RPS6KA5: variants seen among roughly 807,000 people sequenced by gnomAD.
RPS6KA5 encodes the protein ribosomal protein S6 kinase A5.
RPS6KA5 carries 27 observed loss-of-function variants against 85.5 expected under a neutral mutation model. The observed-to-expected ratio is 0.32, with a 90% CI of 0.23 to 0.44. The LOEUF is 0.44. RPS6KA5 is among the 20% of genes least tolerant of loss of function. RPS6KA5 has a pLI of 1.00. For synonymous variants in RPS6KA5, 334 were observed against 348.2 expected (o/e 0.96, Z 0.46); for missense variants, 811 against 980.9 (o/e 0.83, Z 2.31).
chr14:91,005,915 A>C (rs1201718100), intron 1 of RPS6KA5, among the ~76,000 whole-genome samples: 6 of 149,002 alleles, frequency 4.0e-5, no homozygotes, highest in African/African-American at 1.5e-4. Context: ...AGCCCAAAAT[A>C]TGCTGCTCAG....
Position 90,890,525 on chromosome 14 carries a change from C to T in RPS6KA5, c.1798G>A (p.Asp600Asn). 8 of 1,613,992 alleles carry T rather than the reference C, an allele frequency of 5.0e-6. No homozygotes were observed. The highest frequency in any genetic ancestry group is 6.8e-6 in the Non-Finnish European group (8 of 1,179,932). ...AAGCTCCACAGGTCACAGGACTCAT[C>T]GTAGCCGTTCTGATTCAAGAGCTCT... ...APELLNQNGY[D>N]ESCDLWSLGV... The change falls in exon 14 of 17, where the codon GAT becomes AAT. Residue 600 changes from aspartate (D) to asparagine (N), a missense_variant. By Grantham distance (23) the Asp-to-Asn change is conservative (BLOSUM62 1). This residue lies in a region of RPS6KA5 where 650 missense variants were observed against 793.4 expected (regional missense o/e 0.82). Coordinates refer to ENST00000614987, the MANE Select transcript of RPS6KA5 (RefSeq NM_004755.4).
intron 1 of RPS6KA5, among the ~76,000 whole-genome samples, chr14:91,006,057 C>T (rs916070470): frequency 6.6e-6 from 1 of 152,168 alleles, no homozygotes; most frequent in Non-Finnish European, 1.5e-5. Context: ...AGGACTTTTG[C>T]TCCTTTTCCT....
rs145643733 is a variant in RPS6KA5 at position 90,985,163 on chromosome 14, G to A, written c.176-6639C>T. ...TTTCCATGTTAGTCAGGCTGGTCTC[G>A]AACTACCTACCTCAGGTGATCTGCC... On this transcript the variant is annotated intron_variant, in intron 2 of 16. Coordinates refer to ENST00000614987, the MANE Select transcript of RPS6KA5 (RefSeq NM_004755.4). Among the ~76,000 whole-genome samples the A allele has an allele frequency of 2.8e-3, 426 of 152,206 alleles. 1 individual carries two copies. The highest frequency in any genetic ancestry group is 9.7e-3 in the African/African-American group (404 of 41,536).
chr14:91,060,133 C>T (rs1566921691), intron 1 of RPS6KA5, 199 bp downstream of exon 1: 1 of 985,048 alleles, frequency 1.0e-6, no homozygotes, highest in African/African-American at 1.7e-5. Context: ...CTGGGGAAAA[C>T]TTTCGGCCGC....
chr14:90,856,909 C>A lies in RPS6KA5; in HGVS notation c.*15165G>T, dbSNP rs930643470. The A allele has an allele frequency of 6.1e-6, 1 of 165,102 alleles. No individual in the cohort carries two copies. The highest frequency in any genetic ancestry group is 1.5e-4 in the South Asian group (1 of 6,454). 10.2% of individuals were successfully genotyped at this position (165,102 alleles called of 1,614,324 possible). A position where few individuals can be genotyped will look rare whatever the true frequency, so the allele number is the denominator to read the frequency against. ...TCTGGACATTTCATGTAAGTGGAAT[C>A]ATACAATACGTGGCCTTGTGTGTCT... is the stretch of plus-strand genomic sequence containing the variant. On this transcript the variant is annotated 3_prime_UTR_variant, in exon 17 of 17. Coordinates refer to ENST00000614987, the MANE Select transcript of RPS6KA5 (RefSeq NM_004755.4).
At chr14:91,049,438 C>T (rs2042983527) in intron 1 of RPS6KA5, among the ~76,000 whole-genome samples, 1 of 152,042 alleles carries the variant, frequency 6.6e-6, no homozygotes, top group Non-Finnish European at 1.5e-5. Flanking sequence ...CACGGTGAAA[C>T]CCCATCTCTA....
At chr14:90,894,230 C>T in intron 13 of RPS6KA5, 183 bp downstream of exon 13, 2 of 1,232,960 alleles carry the variant, frequency 1.6e-6, no homozygotes, top group Non-Finnish European at 2.0e-6. Flanking sequence ...TAAACAAAGA[C>T]AAATTTATTT....
chr14:90,931,626 A>C (rs2036984280), intron 5 of RPS6KA5, among the ~76,000 whole-genome samples: 1 of 152,198 alleles, frequency 6.6e-6, no homozygotes, highest in Non-Finnish European at 1.5e-5. Context: ...AAGATCATTA[A>C]ACAAAATTAA....
chr14:91,056,867 CTTTTTTTTTTTTTTTTTTTT>C (rs34807092), intron 1 of RPS6KA5, among the ~76,000 whole-genome samples: 2 of 38,850 alleles, frequency 5.1e-5, no homozygotes. Context: ...GCAGTATTAT[CTTTTTTTTTTTTTTTTTTTT>C]TTTTTTTTTG....
chr14:90,946,508 A>G (rs549014307), intron 4 of RPS6KA5, among the ~76,000 whole-genome samples: 5 of 151,600 alleles, frequency 3.3e-5, no homozygotes, highest in African/African-American at 9.7e-5. Flanking sequence ...TGTTACCTCC[A>G]CCTTGCTGCC....
At chr14:90,875,723 TA>T (rs1222452117) in intron 14 of RPS6KA5, among the ~76,000 whole-genome samples, 2 of 151,612 alleles carry the variant, frequency 1.3e-5, no homozygotes, top group Non-Finnish European at 2.9e-5. Context: ...TATGCAGCCA[TA>T]AAAAATGATG....
intron 12 of RPS6KA5, among the ~76,000 whole-genome samples, chr14:90,897,646 T>C (rs1281733050): frequency 6.6e-6 from 1 of 152,260 alleles, no homozygotes; most frequent in Non-Finnish European, 1.5e-5. Context: ...TGACAATTTA[T>C]ATTTTAGTAA....
chr14:90,898,301 A>G (rs1449984738), intron 12 of RPS6KA5, among the ~76,000 whole-genome samples: 4 of 152,184 alleles, frequency 2.6e-5, no homozygotes, highest in Admixed American at 2.0e-4. Flanking sequence ...TACAGAACCT[A>G]GACCACACAA....
At chr14:90,904,150 T>C (rs754413813) in intron 8 of RPS6KA5, among the ~76,000 whole-genome samples, 5 of 152,048 alleles carry the variant, frequency 3.3e-5, no homozygotes, top group South Asian at 2.1e-4. Flanking sequence ...AGGGTTTCAC[T>C]GTGTTAGCCA....
chr14:91,044,376 GGAAAGAAAGAAAGAAGGAAAGAAAGAAA>G (rs2042756854), intron 1 of RPS6KA5, among the ~76,000 whole-genome samples: 5 of 11,448 alleles, frequency 4.4e-4, no homozygotes, highest in African/African-American at 1.3e-3. Context: ...AAAGAAAGAA[GGAAAGAAAGAAAGAAGGAAAGAAAGAAA>G]GAAAGAAAGA....
Position 90,902,842 on chromosome 14 carries a change from G to A in RPS6KA5, c.1085C>T (p.Ala362Val), listed in dbSNP as rs2035250973. The A allele has an allele frequency of 1.2e-6, 2 of 1,614,066 alleles. No homozygotes were observed. The highest frequency in any genetic ancestry group is 1.7e-6 in the Non-Finnish European group (2 of 1,179,946). ...FTEMDPTYSP[A>V]ALPQSSEKLF... ...CTTCTCAGAACTCTGGGGCAGGGCT[G>A]CGGGAGAATAAGTGGGATCCATTTC... Residue 362 changes from alanine (A) to valine (V), a missense_variant, in exon 9 of 17, where the codon GCA becomes GTA. By Grantham distance (64) the Ala-to-Val change is moderately conservative (BLOSUM62 0). Around this residue, in one of 3 missense-constraint regions of RPS6KA5, gnomAD observed 650 missense variants for 793.4 expected, o/e 0.82. Transcript: ENST00000614987.
At chr14:90,924,448 C>T (rs1251633547) in intron 5 of RPS6KA5, among the ~76,000 whole-genome samples, 1 of 152,134 alleles carries the variant, frequency 6.6e-6, no homozygotes, top group Non-Finnish European at 1.5e-5. Flanking sequence ...GAAGGATGCA[C>T]CATAAAACAT....
chr14:91,032,899 C>T (rs969158849), intron 1 of RPS6KA5, among the ~76,000 whole-genome samples: 5 of 152,050 alleles, frequency 3.3e-5, no homozygotes, highest in Admixed American at 6.6e-5. Flanking sequence ...CTTGGCTGGG[C>T]GAGGTGGCTC....
intron 3 of RPS6KA5, among the ~76,000 whole-genome samples, chr14:90,975,206 T>C (rs1027494445): frequency 6.6e-6 from 1 of 152,158 alleles, no homozygotes; most frequent in Admixed American, 6.5e-5. Context: ...AAAAGATTTA[T>C]AGTATTTACT....
Sources: gnomAD v4.1 joint callset for allele counts (sites outside exome capture counted in the v4.1 genomes callset) on GRCh38, gnomAD v4.1.1 for gene constraint, gnomAD v4.1.1 regional missense constraint, MANE v1.5 for transcripts, NCBI Gene and HGNC (gene_info 2026-07-23, HGNC 2026-07-21) for gene names.